ADAMTS3: variants seen among roughly 807,000 people sequenced by gnomAD.
The protein encoded by ADAMTS3 is ADAM metallopeptidase with thrombospondin type 1 motif 3, also known as A disintegrin and metalloproteinase with thrombospondin motifs 3.
In ADAMTS3, 73 loss-of-function variants were observed where a neutral mutation model predicts 129.0. That is an observed-to-expected ratio of 0.57 (90% confidence interval 0.47 to 0.69). ADAMTS3 has a LOEUF of 0.69. Ranked by LOEUF, ADAMTS3 falls within the 30% of genes least tolerant of loss-of-function variation. The pLI, the probability that ADAMTS3 is intolerant of heterozygous loss-of-function variation, is 0.00. For missense variants in ADAMTS3, 1,457 were observed against 1,514.5 expected (o/e 0.96, Z 0.63); for synonymous variants, 477 against 510.8 (o/e 0.93, Z 0.89).
intron 3 of ADAMTS3, among the ~76,000 whole-genome samples, chr4:72,530,214 TAA>T (rs1387153747): frequency 3.9e-4 from 16 of 41,542 alleles, no homozygotes; most frequent in African/African-American, 1.3e-3. Flanking sequence ...TATGTTATTT[TAA>T]TATATATATA....
In ADAMTS3 at chr4:72,318,707, G is replaced by A. The variant is rs749113023; in HGVS notation, c.1353-3C>T. On this transcript the variant is annotated splice_region_variant and splice_polypyrimidine_tract_variant and intron_variant, in intron 9 of 21. Transcript: ENST00000286657. ...CATCAAGGAGACAGTCATAGGAACT[G>A]TAGGAAGAAAAATATTGCATGTAGT... The A allele has an allele frequency of 6.2e-7, 1 of 1,608,538 alleles. No homozygotes were observed. Among genetic ancestry groups the A allele is most frequent in the East Asian group, 2.2e-5 (1 of 44,740 alleles).
rs762975880 is a variant in ADAMTS3, at chr4:72,283,583, C to A, written c.3171G>T (p.Leu1057=). ...CAGCTTCTAGAAGGTATGGTGGTGG[C>A]AGGGTGCTACTGCGCTTGCTGCAGG... ...CESCSKRSST[L]PPPYLLEAAE... is the part of the protein sequence containing the mutation. The change falls in exon 22 of 22, where the codon CTG becomes CTT. Residue 1057 remains leucine, a synonymous_variant. Coordinates refer to ENST00000286657, the MANE Select transcript of ADAMTS3 (RefSeq NM_014243.3). 32 of 1,613,982 alleles carry A rather than the reference C, an allele frequency of 2.0e-5. No individual in the cohort carries two copies. In the Middle Eastern group the frequency reaches 4.9e-4, roughly 25 times the overall value.
intron 5 of ADAMTS3, among the ~76,000 whole-genome samples, chr4:72,325,636 A>G (rs1188429056): frequency 6.6e-6 from 1 of 152,226 alleles, no homozygotes; most frequent in Non-Finnish European, 1.5e-5. Context: ...CTAGATAACA[A>G]TAAAACAAAA....
At chr4:72,297,360 A>G (rs1718836753) in intron 18 of ADAMTS3, among the ~76,000 whole-genome samples, 1 of 152,182 alleles carries the variant, frequency 6.6e-6, no homozygotes, top group African/African-American at 2.4e-5. Flanking sequence ...ATGGATAAAG[A>G]GATGTCATTT....
rs188409237 is a variant in ADAMTS3 at position 72,443,548 on chromosome 4, C to T, written c.505-28577G>A. 5.3e-3 allele frequency among the ~76,000 whole-genome samples: 799 copies of T among 151,756 alleles called. 2 individuals carry two copies. The highest frequency in any genetic ancestry group is 8.1e-3 in the Admixed American group (124 of 15,224). ...TCAAAAATGTTTGACAAATTAATTT[C>T]CTACAAAAGATAAAGTAGTTTAATA... On this transcript the variant is annotated intron_variant, in intron 3 of 21. Coordinates refer to ENST00000286657, the MANE Select transcript of ADAMTS3 (RefSeq NM_014243.3).
In ADAMTS3 at chr4:72,460,724, T is replaced by C. The variant is rs959137924; in HGVS notation, c.505-45753A>G. Among the ~76,000 whole-genome samples, 9 of 151,604 alleles carry C rather than the reference T, an allele frequency of 5.9e-5. No individual in the cohort carries two copies. The South Asian group carries it at 1.2e-3, about 21-fold the overall frequency. ...AGAAATGGCCACAAGAAATGCTAGA[T>C]AAGACCAAAAATATCCTTACTTATT... On this transcript the variant is annotated intron_variant, in intron 3 of 21. Coordinates refer to ENST00000286657, the MANE Select transcript of ADAMTS3 (RefSeq NM_014243.3).
chr4:72,340,965 C>T (rs1331941513), intron 4 of ADAMTS3, among the ~76,000 whole-genome samples: 1 of 152,148 alleles, frequency 6.6e-6, no homozygotes, highest in Admixed American at 6.5e-5. Context: ...TTTGACAGAA[C>T]CAGCTCTGAC....
rs146686032 is a variant in ADAMTS3, at chr4:72,532,729, G to A, written c.504+15749C>T. Among the ~76,000 whole-genome samples the A allele has an allele frequency of 5.7e-3, 872 of 152,188 alleles. 2 individuals are homozygous for A. Among genetic ancestry groups the A allele is most frequent in the African/African-American group, 0.02 (838 of 41,534 alleles). On this transcript the variant is annotated intron_variant, in intron 3 of 21. Transcript: ENST00000286657. The stretch of plus-strand genomic sequence containing the variant: ...GTATGGCACAACATATTGCTCCCAG[G>A]CTGCAAACCTACACAGCATGCTACT...
At chr4:72,329,180 A>T (rs184202471) in intron 5 of ADAMTS3, among the ~76,000 whole-genome samples, 60 of 152,300 alleles carry the variant, frequency 3.9e-4, no homozygotes, top group Middle Eastern at 3.4e-3. Context: ...GCCTATAAGC[A>T]TGAAAAAAAA....
In ADAMTS3 at chr4:72,555,833, T is replaced by C. The variant is rs1014421980; in HGVS notation, c.98-6949A>G. On this transcript the variant is annotated intron_variant, in intron 2 of 21. Transcript: ENST00000286657. ...ATAGTGAATGAGTTCTCATGAGATA[T>C]GGTTGTTTAAAGGTGTGTAGTACTT... Among the ~76,000 whole-genome samples, 6 of 151,566 alleles carry C rather than the reference T, an allele frequency of 4.0e-5. 1 individual carries two copies. Among genetic ancestry groups the C allele is most frequent in the African/African-American group, 9.8e-5 (4 of 40,930 alleles).
At chr4:72,514,038 T>C (rs756442465) in intron 3 of ADAMTS3, among the ~76,000 whole-genome samples, 1 of 152,128 alleles carries the variant, frequency 6.6e-6, no homozygotes, top group Non-Finnish European at 1.5e-5. Context: ...ATCATTCTAT[T>C]CTGTCCTCTG....
chr4:72,563,264 T>C (rs556119007), intron 2 of ADAMTS3, among the ~76,000 whole-genome samples: 12 of 152,300 alleles, frequency 7.9e-5, no homozygotes, highest in Non-Finnish European at 1.5e-4. Context: ...ACCATAATCA[T>C]GCTCAATGGA....
rs1325508708 is a variant in ADAMTS3, at chr4:72,416,527, A to C, written c.505-1556T>G. 2.0e-5 allele frequency among the ~76,000 whole-genome samples: 3 copies of C among 152,160 alleles called. No homozygotes were observed. The South Asian group carries it at 6.2e-4, about 31-fold the overall frequency. ...ACCTCTAGCTTTCACTTAAAAGAGC[A>C]TTGAGCTAGTGGGTACTTAGTAGTA... On this transcript the variant is annotated intron_variant, in intron 3 of 21. Transcript: ENST00000286657.
chr4:72,455,868 C>CTATATATATTTTATATAT (rs1718546140), intron 3 of ADAMTS3, among the ~76,000 whole-genome samples: 4 of 103,338 alleles, frequency 3.9e-5, no homozygotes, highest in African/African-American at 1.5e-4. Context: ...ATAGTATATA[C>CTATATATATTTTATATAT]ACTGTATATA....
chr4:72,305,398 T>C (rs1312312482), intron 16 of ADAMTS3, among the ~76,000 whole-genome samples: 1 of 152,052 alleles, frequency 6.6e-6, no homozygotes, highest in East Asian at 1.9e-4. Context: ...AAAATAAGGA[T>C]ACGTACAGTA....
chr4:72,519,813 C>A (rs1251237798), intron 3 of ADAMTS3, among the ~76,000 whole-genome samples: 2 of 152,134 alleles, frequency 1.3e-5, no homozygotes, highest in Admixed American at 6.5e-5. Context: ...GTAGTTTGTT[C>A]GTCTGAAGCC....
chr4:72,320,739 T>C lies in ADAMTS3; in HGVS notation c.1077A>G (p.Gln359=). 1 of 1,613,858 alleles carries C rather than the reference T, an allele frequency of 6.2e-7. No homozygotes were observed. The highest frequency in any genetic ancestry group is 8.5e-7 in the Non-Finnish European group (1 of 1,179,836). ...CTTGCATTCCAGCAGGTCCAAAGTC[T>C]TGCCTGGTTAAAAAAATTGCATGGT... ...HHDHAIFLTR[Q]DFGPAGMQGY... is the part of the protein sequence containing the mutation. The change falls in exon 7 of 22, where the codon CAA becomes CAG. Residue 359 remains glutamine (Q), a synonymous_variant. Transcript: ENST00000286657.
At chr4:72,495,862 G>C (rs1719861959) in intron 3 of ADAMTS3, among the ~76,000 whole-genome samples, 1 of 152,124 alleles carries the variant, frequency 6.6e-6, no homozygotes, top group Admixed American at 6.6e-5. Context: ...ATACAGCAAG[G>C]ACTTTGCACA....
chr4:72,296,766 G>C (rs1718819627), intron 18 of ADAMTS3, among the ~76,000 whole-genome samples: 1 of 151,892 alleles, frequency 6.6e-6, no homozygotes, highest in Admixed American at 6.6e-5. Flanking sequence ...CTAACATACA[G>C]ACCTATTCAA....
Sources: gnomAD v4.1 joint callset for allele counts (sites outside exome capture counted in the v4.1 genomes callset) on GRCh38, gnomAD v4.1.1 for gene constraint, MANE v1.5 for transcripts, NCBI Gene and HGNC (gene_info 2026-07-23, HGNC 2026-07-21) for gene names.